PKNOX1: variants seen among roughly 807,000 people sequenced by gnomAD.
The protein encoded by PKNOX1 is homeobox protein PKNOX1.
PKNOX1 carries 15 observed loss-of-function variants against 51.9 expected under a neutral mutation model. The observed-to-expected ratio is 0.29, with a 90% CI of 0.19 to 0.45. The LOEUF is 0.45. PKNOX1 is among the 20% of genes least tolerant of loss of function. PKNOX1 has a pLI of 1.00. For missense variants in PKNOX1, 462 were observed against 547.5 expected (o/e 0.84, Z 1.56); for synonymous variants, 219 against 211.1 (o/e 1.04, Z -0.32).
At chr21:42,990,031 G>C (rs111575177) in intron 1 of PKNOX1, among the ~76,000 whole-genome samples, 2 of 151,936 alleles carry the variant, frequency 1.3e-5, no homozygotes, top group Non-Finnish European at 2.9e-5. Context: ...GAGGGAGGTC[G>C]AGGCTGCAGT....
chr21:42,981,386 T>C (rs1788470), intron 1 of PKNOX1, among the ~76,000 whole-genome samples: 1 of 152,130 alleles, frequency 6.6e-6, no homozygotes, highest in Admixed American at 6.5e-5. Flanking sequence ...CCTGCCGGTT[T>C]AGTTACTGTT....
At chr21:42,979,590 G>A (rs4920024) in intron 1 of PKNOX1, among the ~76,000 whole-genome samples, 5,787 of 152,186 alleles carry the variant, frequency 0.038, 138 homozygotes, top group Middle Eastern at 0.061. Flanking sequence ...AATATACAAA[G>A]AATTAGCTGG....
chr21:43,004,254 A>G (rs1315745545), intron 1 of PKNOX1, 72 bp from the exon 2 acceptor site: 1 of 646,732 alleles, frequency 1.5e-6, no homozygotes, highest in Non-Finnish European at 2.8e-6. Flanking sequence ...AAAAAATTTG[A>G]TGTTATGGAA....
At chr21:43,003,389 C>G (rs1978847909) in intron 1 of PKNOX1, among the ~76,000 whole-genome samples, 1 of 152,202 alleles carries the variant, frequency 6.6e-6, no homozygotes, top group African/African-American at 2.4e-5. Context: ...TGTCATGAAG[C>G]AAGTGCGCCA....
chr21:43,009,873 C>T (rs1368890282), intron 3 of PKNOX1, among the ~76,000 whole-genome samples, 180 bp from the exon 4 acceptor site: 2 of 152,150 alleles, frequency 1.3e-5, no homozygotes, highest in African/African-American at 4.8e-5. Flanking sequence ...CCAAAGTTGA[C>T]GGCGGCAATG....
chr21:42,984,904 G>GT (rs571001191), intron 1 of PKNOX1, among the ~76,000 whole-genome samples: 9 of 30,808 alleles, frequency 2.9e-4, no homozygotes, highest in East Asian at 2.7e-3. Flanking sequence ...AGTGTAGGCA[G>GT]TGCCTGAGAG....
intron 2 of PKNOX1, among the ~76,000 whole-genome samples, chr21:43,004,943 C>T (rs1173989329): frequency 1.3e-5 from 2 of 152,270 alleles, no homozygotes; most frequent in East Asian, 1.9e-4. Flanking sequence ...CTCTCCATTG[C>T]CCTCCCACCA....
At chr21:42,977,143 T>C (rs1305147742) in intron 1 of PKNOX1, among the ~76,000 whole-genome samples, 2 of 152,216 alleles carry the variant, frequency 1.3e-5, no homozygotes, top group Non-Finnish European at 1.5e-5. Flanking sequence ...TTCAGTAATG[T>C]GTTATTCCAT....
chr21:43,007,623 T>A lies in PKNOX1; in HGVS notation c.179+5T>A, dbSNP rs763133465. The A allele has an allele frequency of 2.5e-6, 4 of 1,614,102 alleles. No individual in the cohort carries two copies. The South Asian group carries it at 3.3e-5, about 13-fold the overall frequency. ...GGACAAGCAGGCCATTTATAGGTAG[T>A]GCCCGGGGTGCCGGCTGTGGGGGCC... On this transcript the variant is annotated splice_donor_5th_base_variant and intron_variant, in intron 3 of 10. Coordinates refer to ENST00000291547, the MANE Select transcript of PKNOX1 (RefSeq NM_004571.5).
chr21:43,014,875 A>G (rs1339889428), intron 5 of PKNOX1, among the ~76,000 whole-genome samples: 2 of 152,256 alleles, frequency 1.3e-5, no homozygotes, highest in Admixed American at 1.3e-4. Flanking sequence ...CATAAATTTT[A>G]GAATGCTCTT....
In PKNOX1 at chr21:43,019,420, C is replaced by CA. The variant is rs71195907; in HGVS notation, c.720+1191dup. On this transcript the variant is annotated intron_variant, in intron 7 of 10. Transcript: ENST00000291547. ...TAAAATAAAATAAACAAAAAAAAAA[C>CA]ACACATTTTTTTGAGACTTTGCAAA... Among the ~76,000 whole-genome samples, 260 of 150,246 alleles carry CA rather than the reference C, an allele frequency of 1.7e-3. 1 individual carries two copies. The highest frequency in any genetic ancestry group is 4.2e-3 in the African/African-American group (173 of 40,852).
intron 1 of PKNOX1, among the ~76,000 whole-genome samples, chr21:42,985,687 C>G (rs2059048725): frequency 1.3e-5 from 2 of 151,688 alleles, no homozygotes; most frequent in Non-Finnish European, 1.5e-5. Context: ...AACAGACCAT[C>G]CAGCTCAGAG....
intron 1 of PKNOX1, among the ~76,000 whole-genome samples, chr21:42,998,270 G>A (rs377603983): frequency 8.5e-5 from 13 of 152,212 alleles, no homozygotes; most frequent in South Asian, 8.3e-4. Context: ...GGACTTATTC[G>A]CTATCATGAG....
intron 2 of PKNOX1, among the ~76,000 whole-genome samples, chr21:43,006,369 G>A (rs234776): frequency 0.21 from 31,974 of 152,010 alleles, 3,704 homozygotes; most frequent in Non-Finnish European, 0.25. Context: ...CAGGTGATCC[G>A]CCCACCTTGG....
intron 5 of PKNOX1, among the ~76,000 whole-genome samples, 192 bp downstream of exon 5, chr21:43,013,430 T>C (rs1327404492): frequency 6.6e-6 from 1 of 152,224 alleles, no homozygotes; most frequent in Admixed American, 6.5e-5. Flanking sequence ...GTCCTCAATC[T>C]GCATACTGGG....
intron 7 of PKNOX1, among the ~76,000 whole-genome samples, chr21:43,020,943 A>G (rs1979725136): frequency 6.6e-6 from 1 of 152,190 alleles, no homozygotes; most frequent in African/African-American, 2.4e-5. Context: ...CCCTGCCTCT[A>G]CAAAAAGTAG....
At chr21:42,985,535 A>T (rs948605292) in intron 1 of PKNOX1, among the ~76,000 whole-genome samples, 5 of 149,050 alleles carry the variant, frequency 3.4e-5, no homozygotes, top group Admixed American at 2.7e-4. Context: ...GGGTTTTGCC[A>T]TGTTGGCCAG....
chr21:43,013,477 T>G (rs1979345821), intron 5 of PKNOX1, among the ~76,000 whole-genome samples: 1 of 152,220 alleles, frequency 6.6e-6, no homozygotes, highest in East Asian at 1.9e-4. Flanking sequence ...ACAATTCCAT[T>G]CATTTCTTTC....
At position 43,032,400 on chromosome 21, in the gene PKNOX1, G is replaced by C. The variant is rs1266962203; in HGVS notation, c.*2299G>C. On this transcript the variant is annotated 3_prime_UTR_variant, in exon 11 of 11. Transcript: ENST00000291547. ...TTCACAGAATGTAGACTCATGTATA[G>C]GTCACCGTTTCTTTCCCCCACTAGA... 3.4e-6 allele frequency: 1 copy of C among 291,406 alleles called. No homozygotes were observed. The highest frequency in any genetic ancestry group is 4.1e-5 in the Admixed American group (1 of 24,550). 18.1% of individuals were successfully genotyped at this position (291,406 alleles called of 1,614,324 possible).
Sources: allele counts gnomAD v4.1 joint callset (sites outside exome capture counted in the v4.1 genomes callset), GRCh38; gene constraint gnomAD v4.1.1; transcripts MANE v1.5; gene names NCBI Gene and HGNC (gene_info 2026-07-23, HGNC 2026-07-21).